The following DLGAP2 variants were observed in gnomAD, a reference collection of about 807,000 sequenced individuals.
DLGAP2 encodes the protein disks large-associated protein 2.
Under a neutral mutation model 100.3 loss-of-function variants are expected in DLGAP2, and 26 were observed. That is an observed-to-expected ratio of 0.26 (90% CI 0.19 to 0.36). The LOEUF (loss-of-function observed/expected upper bound fraction) is 0.36, where lower values mean the gene tolerates loss of function less well. Ranked by LOEUF, DLGAP2 falls within the 10% of genes least tolerant of loss-of-function variation. The pLI, the probability that DLGAP2 is intolerant of heterozygous loss-of-function variation, is 1.00. For synonymous variants in DLGAP2, 886 were observed against 630.1 expected (o/e 1.41, Z -6.08); for missense variants, 1,858 against 1,453.2 (o/e 1.28, Z -4.53).
intron 2 of DLGAP2, among the ~76,000 whole-genome samples, chr8:1,258,548 C>T (rs1160872445): frequency 6.6e-6 from 1 of 152,082 alleles, no homozygotes; most frequent in Admixed American, 6.6e-5. Flanking sequence ...CACCTGTATA[C>T]CTATGTAAGC....
chr8:1,210,462 G>C (rs1032830227), intron 2 of DLGAP2, among the ~76,000 whole-genome samples: 2 of 152,228 alleles, frequency 1.3e-5, no homozygotes, highest in Admixed American at 6.5e-5. Context: ...AGGAGTGTGT[G>C]GGGGGAAGGA....
At chr8:897,222 T>G (rs1169942607) in intron 1 of DLGAP2, among the ~76,000 whole-genome samples, 1 of 152,226 alleles carries the variant, frequency 6.6e-6, no homozygotes, top group Non-Finnish European at 1.5e-5. Flanking sequence ...ATTTCACAGG[T>G]GTTTGTCACC....
intron 3 of DLGAP2, among the ~76,000 whole-genome samples, chr8:1,321,274 G>C (rs950751739): frequency 1.3e-5 from 2 of 151,682 alleles, no homozygotes; most frequent in Non-Finnish European, 2.9e-5. Context: ...ATGTGCGTGT[G>C]CGTGCATCTG....
At chr8:1,586,424 C>T (rs1796121654) in intron 6 of DLGAP2, among the ~76,000 whole-genome samples, 1 of 152,298 alleles carries the variant, frequency 6.6e-6, no homozygotes, top group Middle Eastern at 3.4e-3. Flanking sequence ...TCTGCAGACC[C>T]CTCCTGTCTC....
At chr8:1,657,452 C>G (rs1273409734) in intron 8 of DLGAP2, among the ~76,000 whole-genome samples, 1 of 152,240 alleles carries the variant, frequency 6.6e-6, no homozygotes. Flanking sequence ...AACTGAATGG[C>G]TGGATATTTT....
At chr8:825,257 G>C (rs1796665257) in intron 1 of DLGAP2, among the ~76,000 whole-genome samples, 1 of 152,238 alleles carries the variant, frequency 6.6e-6, no homozygotes. Context: ...CCACACAGCT[G>C]TTGGATCAGG....
chr8:1,134,043 G>A (rs1202303392), intron 2 of DLGAP2, among the ~76,000 whole-genome samples: 1 of 147,448 alleles, frequency 6.8e-6, no homozygotes, highest in Non-Finnish European at 1.5e-5. Flanking sequence ...TCCCCTTTAT[G>A]CATCCATGAG....
intron 3 of DLGAP2, among the ~76,000 whole-genome samples, chr8:1,275,178 T>C (rs1799657683): frequency 6.6e-6 from 1 of 152,146 alleles, no homozygotes; most frequent in Non-Finnish European, 1.5e-5. Context: ...GGAGTTATTA[T>C]GTATAAAACC....
chr8:979,716 T>C (rs779806661), intron 2 of DLGAP2, among the ~76,000 whole-genome samples: 3 of 152,224 alleles, frequency 2.0e-5, no homozygotes, highest in Non-Finnish European at 2.9e-5. Context: ...AAATGACCCA[T>C]TGTTTTCAGG....
At chr8:1,254,948 T>TGCTGTGTCTGTGCTCTCTCCTGCCCGGCC (rs1799143380) in intron 2 of DLGAP2, among the ~76,000 whole-genome samples, 3 of 125,470 alleles carry the variant, frequency 2.4e-5, no homozygotes, top group African/African-American at 1.1e-4. Context: ...CCTGCCCGGG[T>TGCTGTGTCTGTGCTCTCTCCTGCCCGGCC]GCTGTGTGTG....
intron 3 of DLGAP2, among the ~76,000 whole-genome samples, chr8:1,319,343 G>C (rs1156681809): frequency 1.3e-5 from 2 of 152,198 alleles, no homozygotes; most frequent in Non-Finnish European, 2.9e-5. Flanking sequence ...TCAAATCCCA[G>C]ATCAGAGGTT....
intron 2 of DLGAP2, among the ~76,000 whole-genome samples, chr8:1,192,028 C>G (rs1019812355): frequency 6.6e-6 from 1 of 152,214 alleles, no homozygotes; most frequent in Non-Finnish European, 1.5e-5. Context: ...CCTTGTATGA[C>G]TGGACATTCG....
intron 1 of DLGAP2, among the ~76,000 whole-genome samples, chr8:756,252 C>T (rs570318892): frequency 6.0e-4 from 91 of 152,058 alleles, no homozygotes; most frequent in Non-Finnish European, 1.2e-3. Flanking sequence ...AGGTGATGGG[C>T]TCATGCTGTT....
intron 3 of DLGAP2, among the ~76,000 whole-genome samples, chr8:1,286,291 C>G (rs996846474): frequency 2.6e-5 from 4 of 152,198 alleles, no homozygotes; most frequent in African/African-American, 7.2e-5. Flanking sequence ...CCATGCAGCT[C>G]TTTGAGTCAA....
At chr8:1,677,642 G>C (rs1339024097) in intron 11 of DLGAP2, among the ~76,000 whole-genome samples, 1 of 152,170 alleles carries the variant, frequency 6.6e-6, no homozygotes, top group Non-Finnish European at 1.5e-5. Context: ...CAACTATTTT[G>C]GTGATCAGCT....
Position 1,668,636 on chromosome 8 carries a change from G to A in DLGAP2, c.2118G>A (p.Ala706=), listed in dbSNP as rs764799874. The A allele has an allele frequency of 1.3e-5, 20 of 1,592,086 alleles. No individual in the cohort carries two copies. Among genetic ancestry groups the A allele is most frequent in the African/African-American group, 9.4e-5 (7 of 74,536 alleles). ...ACAAGGCCATCCTGGTGTCCAAGGC[G>A]GAGGAGCTCCTCAAGAGCCGCTGCT... ...TSDKAILVSK[A]EELLKSRCSS... Residue 706 remains alanine, a synonymous_variant, in exon 9 of 15, where the codon GCG becomes GCA. Transcript: ENST00000637795.
intron 2 of DLGAP2, among the ~76,000 whole-genome samples, chr8:1,181,444 T>A (rs1797385543): frequency 6.6e-6 from 1 of 152,120 alleles, no homozygotes. Context: ...GTGATCTCAT[T>A]CTTTTTAGTG....
At chr8:1,223,102 G>A (rs1798348311) in intron 2 of DLGAP2, among the ~76,000 whole-genome samples, 1 of 152,150 alleles carries the variant, frequency 6.6e-6, no homozygotes, top group Non-Finnish European at 1.5e-5. Context: ...CCCATAGGTG[G>A]GATCGGGGAG....
chr8:970,824 C>G (rs1189633502), intron 2 of DLGAP2, among the ~76,000 whole-genome samples: 2 of 152,122 alleles, frequency 1.3e-5, no homozygotes, highest in South Asian at 2.1e-4. Context: ...TAATAACACA[C>G]CAAAGAGATG....
Sources: gnomAD v4.1 joint callset for allele counts (sites outside exome capture counted in the v4.1 genomes callset) on GRCh38, gnomAD v4.1.1 for gene constraint, MANE v1.5 for transcripts, NCBI Gene and HGNC (gene_info 2026-07-23, HGNC 2026-07-21) for gene names.